TAFA1: variants seen among roughly 807,000 people sequenced by gnomAD.
TAFA1 encodes the protein chemokine-like protein TAFA-1.
In TAFA1, 4 loss-of-function variants were observed where a neutral mutation model predicts 18.5. The ratio of observed to expected loss-of-function variants is 0.22; its 90% confidence interval spans 0.11 to 0.49. The LOEUF (loss-of-function observed/expected upper bound fraction) is 0.49, where lower values mean the gene tolerates loss of function less well. TAFA1 is among the 20% of genes least tolerant of loss of function. The pLI is 0.98. For synonymous variants in TAFA1, 56 were observed against 55.2 expected (o/e 1.01, Z -0.06); for missense variants, 147 against 169.0 (o/e 0.87, Z 0.72).
intron 2 of TAFA1, among the ~76,000 whole-genome samples, chr3:68,035,873 A>G (rs147079864): frequency 3.0e-4 from 45 of 152,356 alleles, no homozygotes; most frequent in Non-Finnish European, 5.7e-4. Flanking sequence ...ATGCAGCAAC[A>G]GGGCTGAATC....
At chr3:68,099,588 C>T (rs977797722) in intron 2 of TAFA1, among the ~76,000 whole-genome samples, 1 of 152,066 alleles carries the variant, frequency 6.6e-6, no homozygotes, top group Admixed American at 6.6e-5. Flanking sequence ...TGCTGTTTGG[C>T]AATTTCTCAA....
At chr3:68,299,354 A>G (rs2068265613) in intron 2 of TAFA1, among the ~76,000 whole-genome samples, 1 of 152,236 alleles carries the variant, frequency 6.6e-6, no homozygotes, top group Non-Finnish European at 1.5e-5. Context: ...TGAACTTGAG[A>G]GAGATGACTT....
At chr3:68,285,914 A>C (rs557111668) in intron 2 of TAFA1, among the ~76,000 whole-genome samples, 59 of 152,316 alleles carry the variant, frequency 3.9e-4, no homozygotes, top group African/African-American at 1.4e-3. Context: ...AACATTCAGC[A>C]CAAAAATAGT....
At chr3:68,134,091 A>AG (rs1289919208) in intron 2 of TAFA1, among the ~76,000 whole-genome samples, 19 of 36,144 alleles carry the variant, frequency 5.3e-4, no homozygotes, top group African/African-American at 9.3e-4. Flanking sequence ...AAACAATGAG[A>AG]AAAAAAAAAC....
chr3:68,305,440 T>G (rs1227244333), intron 2 of TAFA1, among the ~76,000 whole-genome samples: 1 of 115,408 alleles, frequency 8.7e-6, no homozygotes, highest in South Asian at 2.9e-4. Flanking sequence ...TATATATATA[T>G]ATATATATAT....
intron 3 of TAFA1, among the ~76,000 whole-genome samples, chr3:68,518,056 G>C (rs1168961888): frequency 6.6e-6 from 1 of 152,144 alleles, no homozygotes; most frequent in Non-Finnish European, 1.5e-5. Flanking sequence ...CTTCCACTGA[G>C]ATTCCCTTTC....
chr3:68,093,644 A>C (rs950071502), intron 2 of TAFA1, among the ~76,000 whole-genome samples: 1 of 152,074 alleles, frequency 6.6e-6, no homozygotes, highest in Non-Finnish European at 1.5e-5. Flanking sequence ...CAGCTGCTCC[A>C]GGTCAGAAGG....
chr3:68,264,320 G>A lies in TAFA1; in HGVS notation c.119-152960G>A, dbSNP rs1575726412. 2.6e-5 allele frequency among the ~76,000 whole-genome samples: 4 copies of A among 152,272 alleles called. No homozygotes were observed. The East Asian group carries it at 7.7e-4, about 29-fold the overall frequency. ...GAAAAAATAAACAATAGTTCAGGTC[G>A]TTTGTGGAGATGGCAAATATTGGGC... is the stretch of plus-strand genomic sequence containing the variant. On this transcript the variant is annotated intron_variant, in intron 2 of 4. Coordinates refer to ENST00000478136, the MANE Select transcript of TAFA1 (RefSeq NM_213609.4).
intron 2 of TAFA1, among the ~76,000 whole-genome samples, chr3:68,026,490 A>G (rs1704819994): frequency 6.6e-6 from 1 of 152,086 alleles, no homozygotes; most frequent in Non-Finnish European, 1.5e-5. Flanking sequence ...TAATACCCAA[A>G]ACTAATGGAG....
At chr3:68,155,816 C>G (rs2065861112) in intron 2 of TAFA1, among the ~76,000 whole-genome samples, 1 of 152,040 alleles carries the variant, frequency 6.6e-6, no homozygotes, top group African/African-American at 2.4e-5. Flanking sequence ...CCATTATATC[C>G]CAGTTTCATG....
At chr3:68,489,923 C>G (rs1289167549) in intron 3 of TAFA1, among the ~76,000 whole-genome samples, 1 of 152,168 alleles carries the variant, frequency 6.6e-6, no homozygotes, top group Non-Finnish European at 1.5e-5. Flanking sequence ...GATGAGCCAT[C>G]TTTTTTACTT....
chr3:68,142,093 C>A (rs2065673353), intron 2 of TAFA1, among the ~76,000 whole-genome samples: 2 of 152,082 alleles, frequency 1.3e-5, no homozygotes, highest in Non-Finnish European at 2.9e-5. Flanking sequence ...TACCTAGATC[C>A]CACATGGCAT....
chr3:68,329,216 CTTTTTTTTTTT>C (rs10681423), intron 2 of TAFA1, among the ~76,000 whole-genome samples: 2 of 88,988 alleles, frequency 2.2e-5, no homozygotes, highest in South Asian at 6.4e-4. Context: ...GCCTGGCTGC[CTTTTTTTTTTT>C]TTTTTTTTTT....
At chr3:68,514,495 A>G (rs1417566760) in intron 3 of TAFA1, among the ~76,000 whole-genome samples, 1 of 152,108 alleles carries the variant, frequency 6.6e-6, no homozygotes, top group Non-Finnish European at 1.5e-5. Context: ...AAATTCTTTC[A>G]GGAGCAAGAA....
chr3:68,265,051 C>A (rs1313491511), intron 2 of TAFA1, among the ~76,000 whole-genome samples: 1 of 152,120 alleles, frequency 6.6e-6, no homozygotes, highest in Non-Finnish European at 1.5e-5. Context: ...TTTAAAAACT[C>A]ATATACAATT....
intron 2 of TAFA1, among the ~76,000 whole-genome samples, chr3:68,158,689 G>A (rs767256252): frequency 6.6e-6 from 1 of 152,046 alleles, no homozygotes; most frequent in Non-Finnish European, 1.5e-5. Context: ...AGATGAGAAG[G>A]CCTCACTTTG....
At chr3:68,376,177 T>A (rs1293491987) in intron 2 of TAFA1, among the ~76,000 whole-genome samples, 1 of 152,190 alleles carries the variant, frequency 6.6e-6, no homozygotes, top group African/African-American at 2.4e-5. Flanking sequence ...AAAAGGGACA[T>A]TTCATTGCAG....
intron 2 of TAFA1, among the ~76,000 whole-genome samples, chr3:68,070,767 A>G (rs959514204): frequency 6.6e-6 from 1 of 152,156 alleles, no homozygotes; most frequent in Non-Finnish European, 1.5e-5. Context: ...CATCTCTCTC[A>G]AGTTCAAAGT....
At chr3:68,080,361 G>T (rs1223488217) in intron 2 of TAFA1, among the ~76,000 whole-genome samples, 2 of 151,280 alleles carry the variant, frequency 1.3e-5, no homozygotes, top group Admixed American at 6.6e-5. Context: ...TCATTATGAG[G>T]TTAGCTGGTT....
Sources: gnomAD v4.1 joint callset for allele counts (sites outside exome capture counted in the v4.1 genomes callset) on GRCh38, gnomAD v4.1.1 for gene constraint, MANE v1.5 for transcripts, NCBI Gene and HGNC (gene_info 2026-07-23, HGNC 2026-07-21) for gene names.